ELSPBP1: variants seen among roughly 807,000 people sequenced by gnomAD.
ELSPBP1 encodes epididymal sperm binding protein 1, also known as epididymal sperm-binding protein 1.
A neutral mutation model predicts 33.3 loss-of-function variants in ELSPBP1; 38 were observed. That is an observed-to-expected ratio of 1.14 (90% CI 0.88 to 1.50). The LOEUF is 1.50. Ranked by LOEUF, ELSPBP1 falls within the 40% of genes most tolerant of loss-of-function variation. The pLI, the probability that ELSPBP1 is intolerant of heterozygous loss-of-function variation, is 0.00. For missense variants in ELSPBP1, 267 were observed against 263.5 expected, an observed-to-expected ratio of 1.01 and a Z score of -0.09; for synonymous variants, 85 against 94.1, an observed-to-expected ratio of 0.90 and a Z score of 0.56.
chr19:48,025,116 G>A lies in ELSPBP1; in HGVS notation c.*172G>A, dbSNP rs892042189. On this transcript the variant is annotated 3_prime_UTR_variant, in exon 7 of 7. Transcript: ENST00000339841. ...TTTGTGAAGAACGTAGAGAGAATGC[G>A]GCATAACCACCAATAAAGGAGTCTT... is the stretch of plus-strand genomic sequence containing the variant. 2.0e-5 allele frequency: 3 copies of A among 152,242 alleles called. No individual in the cohort carries two copies. The East Asian group carries it at 5.8e-4, about 29-fold the overall frequency. The allele number at this position is 152,242 out of a possible 1,614,324, so 9.4% of individuals were successfully genotyped here. A position where few individuals can be genotyped will look rare whatever the true frequency, so the allele number is the denominator to read the frequency against.
At chr19:48,018,920 G>A (rs966001654) in intron 4 of ELSPBP1, among the ~76,000 whole-genome samples, 1 of 152,192 alleles carries the variant, frequency 6.6e-6, no homozygotes, top group East Asian at 1.9e-4. Context: ...GTGGGAGGCC[G>A]AGGCAGGTGA....
rs62129078 is a variant in ELSPBP1, at chr19:48,014,281, G to A, written c.181G>A (p.Gly61Ser). The A allele has an allele frequency of 0.15, 243,410 of 1,613,148 alleles. 19,185 individuals carry two copies. Among genetic ancestry groups the A allele is most frequent in the South Asian group, 0.21 (18,664 of 91,032 alleles). Residue 61 changes from glycine to serine, a missense_variant, in exon 3 of 7, where the codon GGC becomes AGC. Transcript: ENST00000339841. ...GTGTGCCACCAGAGCCGTGTACAAC[G>A]GCCAGTGGAAGTACTGCCAGAGTGA... The part of the protein sequence containing the change: ...PWCATRAVYN[G>S]QWKYCQSEDY...
intron 1 of ELSPBP1, among the ~76,000 whole-genome samples, chr19:48,006,610 A>G: frequency 7.9e-6 from 1 of 126,652 alleles, no homozygotes; most frequent in East Asian, 3.1e-4. Flanking sequence ...CGACAGAGTG[A>G]GACCCTGTCT....
Position 48,011,230 on chromosome 19 carries a change from TTGA to T in ELSPBP1, c.70+2506_70+2508del, listed in dbSNP as rs138853548. Among the ~76,000 whole-genome samples, 24,727 of 149,034 alleles carry T rather than the reference TTGA, an allele frequency of 0.17. 2,048 individuals are homozygous for T. The highest frequency in any genetic ancestry group is 0.23 in the Middle Eastern group (63 of 270). ...GATGATGAGAATGACAATAATGGGG[TTGA>T]TGATGATGATGACAATGATTGATAA... On this transcript the variant is annotated intron_variant, in intron 2 of 6. Coordinates refer to ENST00000339841, the MANE Select transcript of ELSPBP1 (RefSeq NM_022142.5). The surrounding 1 kb of genome is among the most constrained non-coding windows in gnomAD (Gnocchi z 4.5).
chr19:48,002,400 G>T (rs1966976657), intron 1 of ELSPBP1, among the ~76,000 whole-genome samples: 1 of 152,168 alleles, frequency 6.6e-6, no homozygotes, highest in South Asian at 2.1e-4. Flanking sequence ...GGGGTTTTGG[G>T]CCAGGCAGGA....
chr19:48,002,293 A>C (rs1192252371), intron 1 of ELSPBP1, among the ~76,000 whole-genome samples: 1 of 152,178 alleles, frequency 6.6e-6, no homozygotes, highest in Non-Finnish European at 1.5e-5. Context: ...GCCTGTCTGG[A>C]TCTTAGCATC....
rs953328762 is a variant in ELSPBP1 at position 48,011,061 on chromosome 19, T to TGAG, written c.70+2326_70+2327insGGA. On this transcript the variant is annotated intron_variant, in intron 2 of 6. Coordinates refer to ENST00000339841, the MANE Select transcript of ELSPBP1 (RefSeq NM_022142.5). This position sits in a 1 kb window ranked among gnomAD's most constrained non-coding sequence, Gnocchi z 4.5. ...GAGGATGATGATGATATGACGATGA[T>TGAG]GACAATGATGACGGTAATGATGACA... 2.0e-5 allele frequency among the ~76,000 whole-genome samples: 3 copies of TGAG among 151,976 alleles called. No individual in the cohort carries two copies. The highest frequency in any genetic ancestry group is 7.3e-5 in the African/African-American group (3 of 41,366).
At chr19:48,012,947 C>A (rs1245896255) in intron 2 of ELSPBP1, among the ~76,000 whole-genome samples, 1 of 152,166 alleles carries the variant, frequency 6.6e-6, no homozygotes, top group African/African-American at 2.4e-5. Context: ...GCTAGACTAT[C>A]GTCCGAATAA....
At chr19:48,022,410 G>A in intron 6 of ELSPBP1, 76 bp downstream of exon 6, 2 of 1,307,564 alleles carry the variant, frequency 1.5e-6, no homozygotes, top group Non-Finnish European at 2.1e-6. Flanking sequence ...TGTCACTGAT[G>A]CGAAGGCGAG....
Position 48,006,346 on chromosome 19 carries a change from G to A in ELSPBP1, c.-17-2305G>A, listed in dbSNP as rs1196863122. ...AGAAAATTTAAGGTTGGGCCCAGTG[G>A]CTCACGCCTGTAACACTAGCACTTT... is the stretch of plus-strand genomic sequence containing the variant. On this transcript the variant is annotated intron_variant, in intron 1 of 6. Transcript: ENST00000339841. Among the ~76,000 whole-genome samples, 5 of 152,114 alleles carry A rather than the reference G, an allele frequency of 3.3e-5. No homozygotes were observed. The East Asian group carries it at 9.7e-4, about 29-fold the overall frequency.
At chr19:48,003,545 T>C (rs377363090) in intron 1 of ELSPBP1, among the ~76,000 whole-genome samples, 4,473 of 150,238 alleles carry the variant, frequency 0.03, 233 homozygotes, top group African/African-American at 0.1. Flanking sequence ...TGCTCTTTTT[T>C]TTTTTTTTTT....
rs769227693 is a variant in ELSPBP1, at chr19:48,022,204, C to T, written c.549C>T (p.His183=). 1 of 1,613,504 alleles carries T rather than the reference C, an allele frequency of 6.2e-7. No individual in the cohort carries two copies. The highest frequency in any genetic ancestry group is 1.3e-5 in the African/African-American group (1 of 74,900). The change falls in exon 6 of 7, where the codon CAC becomes CAT. Residue 183 remains histidine (H), a synonymous_variant. Coordinates refer to ENST00000339841, the MANE Select transcript of ELSPBP1 (RefSeq NM_022142.5). Reference sequence around the variant, plus strand: ...CGTTGGTCCCTGGCTTTCCTTGTCACTTTCCGTTCAACTATAAAAACAAGA... The same window carrying T: ...CGTTGGTCCCTGGCTTTCCTTGTCATTTTCCGTTCAACTATAAAAACAAGA... ...ISALVPGFPC[H]FPFNYKNKNY... is the part of the protein sequence containing the mutation.
intron 1 of ELSPBP1, among the ~76,000 whole-genome samples, chr19:48,000,498 C>G (rs1966956820): frequency 1.3e-5 from 2 of 152,164 alleles, no homozygotes; most frequent in South Asian, 4.1e-4. Context: ...CTCGGCCTCC[C>G]AAAGTGCCGG....
In ELSPBP1 at chr19:48,008,708, T is replaced by G. The variant is rs1389222122; in HGVS notation, c.41T>G (p.Phe14Cys). The change falls in exon 2 of 7, where the codon TTC becomes TGC. Residue 14 changes from phenylalanine (F) to cysteine (C), a missense_variant. Transcript: ENST00000339841. ...WSSYLLGWTTFLLYSYESSGG... is the reference protein window; with the variant it reads ...WSSYLLGWTTCLLYSYESSGG... ...AGTTACCTGTTGGGATGGACAACCT[T>G]CCTTCTCTATTCCTATGAGTCAAGT... The G allele has an allele frequency of 8.7e-6, 14 of 1,613,736 alleles. No homozygotes were observed. The highest frequency in any genetic ancestry group is 1.2e-5 in the Non-Finnish European group (14 of 1,179,920).
chr19:47,998,410 C>CA (rs1042079306), intron 1 of ELSPBP1, among the ~76,000 whole-genome samples: 7 of 150,044 alleles, frequency 4.7e-5, no homozygotes, highest in Non-Finnish European at 7.4e-5. Flanking sequence ...GACTCCATCT[C>CA]AAAAAAAAGA....
intron 1 of ELSPBP1, among the ~76,000 whole-genome samples, chr19:47,998,237 C>G (rs773450793): frequency 6.6e-6 from 1 of 151,892 alleles, no homozygotes; most frequent in Non-Finnish European, 1.5e-5. Flanking sequence ...GATGGTGAAA[C>G]CCCGTCTCTA....
At chr19:48,024,399 T>C (rs1385628496) in intron 6 of ELSPBP1, among the ~76,000 whole-genome samples, 1 of 152,160 alleles carries the variant, frequency 6.6e-6, no homozygotes, top group Non-Finnish European at 1.5e-5. Context: ...AGAGAAGCCC[T>C]TTCATCAGAT....
At chr19:48,023,334 A>AAGGGAGGGAGGG (rs1487122710) in intron 6 of ELSPBP1, among the ~76,000 whole-genome samples, 1 of 127,998 alleles carries the variant, frequency 7.8e-6, no homozygotes, top group African/African-American at 3.0e-5. Flanking sequence ...GGAAAGAAGG[A>AAGGGAGGGAGGG]AGGGAGGGAG....
At chr19:48,007,450 A>G (rs1488630990) in intron 1 of ELSPBP1, among the ~76,000 whole-genome samples, 1 of 152,146 alleles carries the variant, frequency 6.6e-6, no homozygotes, top group African/African-American at 2.4e-5. Flanking sequence ...TACAAAGCTT[A>G]GGACATCCGG....
Sources: allele counts gnomAD v4.1 joint callset (sites outside exome capture counted in the v4.1 genomes callset), GRCh38; gene constraint gnomAD v4.1.1; non-coding constraint Gnocchi (gnomAD v3.1); transcripts MANE v1.5; gene names NCBI Gene and HGNC (gene_info 2026-07-23, HGNC 2026-07-21).